Variants in EPHB1 observed in about 807,000 individuals in gnomAD.
EPHB1 encodes ephrin type-B receptor 1.
A neutral mutation model predicts 94.4 loss-of-function variants in EPHB1; 30 were observed. The observed-to-expected ratio is 0.32, with a 90% CI of 0.24 to 0.43. The LOEUF (loss-of-function observed/expected upper bound fraction) is 0.43, where lower values mean the gene tolerates loss of function less well. Ranked by LOEUF, EPHB1 falls within the 20% of genes least tolerant of loss-of-function variation. The pLI is 1.00. For missense variants in EPHB1, 1,055 were observed against 1,308.3 expected (o/e 0.81, Z 2.99); for synonymous variants, 522 against 489.1 (o/e 1.07, Z -0.89).
chr3:134,955,755 G>A (rs747289422), intron 3 of EPHB1, among the ~76,000 whole-genome samples: 2 of 152,218 alleles, frequency 1.3e-5, no homozygotes, highest in Non-Finnish European at 2.9e-5. Context: ...ATCAGGCAGA[G>A]TCACATTGGC....
chr3:134,856,392 G>A (rs1407459536), intron 1 of EPHB1, among the ~76,000 whole-genome samples: 4 of 152,212 alleles, frequency 2.6e-5, no homozygotes. Context: ...CCCACCATGA[G>A]GATAGCTAGG....
At chr3:135,035,024 A>G (rs1040919981) in intron 3 of EPHB1, among the ~76,000 whole-genome samples, 2 of 152,210 alleles carry the variant, frequency 1.3e-5, no homozygotes, top group African/African-American at 2.4e-5. Flanking sequence ...AGGCTGGAGT[A>G]ATCTTCTTGT....
chr3:135,235,381 C>T (rs544397601), intron 12 of EPHB1, among the ~76,000 whole-genome samples: 49 of 151,996 alleles, frequency 3.2e-4, no homozygotes, highest in Non-Finnish European at 6.8e-4. Flanking sequence ...ATTCTCAGGC[C>T]CTACCCCAGA....
At chr3:135,129,160 G>C (rs769946950) in intron 4 of EPHB1, among the ~76,000 whole-genome samples, 1 of 140,620 alleles carries the variant, frequency 7.1e-6, no homozygotes, top group Non-Finnish European at 1.5e-5. Flanking sequence ...ATATGAAGAC[G>C]TTTATTAAAA....
At chr3:135,030,274 C>T (rs534338271) in intron 3 of EPHB1, among the ~76,000 whole-genome samples, 87 of 152,354 alleles carry the variant, frequency 5.7e-4, no homozygotes, top group Non-Finnish European at 9.6e-4. Flanking sequence ...TGAGGAGCTG[C>T]GTTCCTTTGC....
chr3:134,916,597 G>C (rs2038575938), intron 1 of EPHB1, among the ~76,000 whole-genome samples: 1 of 152,228 alleles, frequency 6.6e-6, no homozygotes, highest in Non-Finnish European at 1.5e-5. Flanking sequence ...GCAGCTGCTG[G>C]CCCGGGTGCT....
At chr3:135,179,780 T>A in intron 9 of EPHB1, 80 bp from the exon 10 acceptor site, 1 of 1,552,674 alleles carries the variant, frequency 6.4e-7, no homozygotes, top group Non-Finnish European at 8.8e-7. Flanking sequence ...GGAATGCCCT[T>A]AGTGCTGGGG....
intron 1 of EPHB1, among the ~76,000 whole-genome samples, chr3:134,865,870 G>A (rs1328099443): frequency 6.6e-6 from 1 of 152,234 alleles, no homozygotes; most frequent in Non-Finnish European, 1.5e-5. Flanking sequence ...AAAACGGTTG[G>A]ATATTGGGAA....
intron 4 of EPHB1, among the ~76,000 whole-genome samples, chr3:135,124,695 C>T (rs1940126305): frequency 6.6e-6 from 1 of 151,722 alleles, no homozygotes; most frequent in African/African-American, 2.4e-5. Flanking sequence ...ACCTCCCATC[C>T]TTAGTAATTT....
chr3:135,097,166 TTG>T (rs1176589843), intron 3 of EPHB1, among the ~76,000 whole-genome samples: 5 of 129,616 alleles, frequency 3.9e-5, no homozygotes, highest in African/African-American at 1.4e-4. Context: ...TTTTTTTTCT[TTG>T]TTTTTTTTTT....
intron 1 of EPHB1, among the ~76,000 whole-genome samples, chr3:134,880,160 A>T (rs1243230522): frequency 6.6e-6 from 1 of 152,208 alleles, no homozygotes; most frequent in Non-Finnish European, 1.5e-5. Context: ...CAGCTGGTCA[A>T]ACATTACCCA....
intron 4 of EPHB1, among the ~76,000 whole-genome samples, chr3:135,107,884 T>G (rs1939282165): frequency 6.6e-6 from 1 of 152,214 alleles, no homozygotes. Flanking sequence ...AAATGATTGT[T>G]TCTGCTGACC....
At chr3:135,094,172 G>A (rs1020975389) in intron 3 of EPHB1, among the ~76,000 whole-genome samples, 5 of 152,228 alleles carry the variant, frequency 3.3e-5, no homozygotes, top group Admixed American at 1.3e-4. Context: ...CTGGGAAAGA[G>A]GGCAGGCCAG....
intron 1 of EPHB1, among the ~76,000 whole-genome samples, chr3:134,839,308 C>T (rs1414708301): frequency 6.6e-6 from 1 of 152,182 alleles, no homozygotes; most frequent in Non-Finnish European, 1.5e-5. Flanking sequence ...TTGTTACTGG[C>T]TGCTGCTTAT....
At chr3:135,198,886 C>T (rs1942690099) in intron 11 of EPHB1, among the ~76,000 whole-genome samples, 2 of 152,088 alleles carry the variant, frequency 1.3e-5, no homozygotes, top group Admixed American at 1.3e-4. Flanking sequence ...TTGCCCAAGC[C>T]CACACAACCA....
intron 3 of EPHB1, among the ~76,000 whole-genome samples, chr3:134,961,359 C>T (rs890901384): frequency 3.3e-5 from 5 of 152,190 alleles, no homozygotes; most frequent in South Asian, 4.1e-4. Flanking sequence ...CAGTGGTCCT[C>T]AGCCTAATTT....
At chr3:135,125,433 T>C (rs1940159460) in intron 4 of EPHB1, among the ~76,000 whole-genome samples, 1 of 148,152 alleles carries the variant, frequency 6.7e-6, no homozygotes, top group South Asian at 2.1e-4. Flanking sequence ...CACAGCCCTT[T>C]CCTCTATGAT....
At chr3:134,997,667 C>T (rs1304011120) in intron 3 of EPHB1, among the ~76,000 whole-genome samples, 3 of 152,136 alleles carry the variant, frequency 2.0e-5, no homozygotes, top group African/African-American at 4.8e-5. Context: ...ACTATTCTTC[C>T]GTTTTGGATA....
intron 12 of EPHB1, among the ~76,000 whole-genome samples, chr3:135,238,582 C>T (rs1243638377): frequency 6.6e-6 from 1 of 152,186 alleles, no homozygotes; most frequent in Admixed American, 6.5e-5. Flanking sequence ...ACACTGTCAT[C>T]TCCCCTCCTC....
Sources: gnomAD v4.1 joint callset for allele counts (sites outside exome capture counted in the v4.1 genomes callset) on GRCh38, gnomAD v4.1.1 for gene constraint, MANE v1.5 for transcripts, NCBI Gene and HGNC (gene_info 2026-07-23, HGNC 2026-07-21) for gene names.